KCNIP4: variants seen among roughly 807,000 people sequenced by gnomAD.
The protein encoded by KCNIP4 is Kv channel-interacting protein 4.
In KCNIP4, 12 loss-of-function variants were observed where a neutral mutation model predicts 34.0. That is an observed-to-expected ratio of 0.35 (90% CI 0.23 to 0.57). KCNIP4 has a LOEUF of 0.57. Among genes scored for constraint, KCNIP4 ranks in the 20% least tolerant of loss-of-function variants. KCNIP4 has a pLI of 0.83. For missense variants in KCNIP4, 238 were observed against 311.7 expected (o/e 0.76, Z 1.78); for synonymous variants, 124 against 102.2 (o/e 1.21, Z -1.29).
chr4:21,087,334 A>G (rs555556222), intron 1 of KCNIP4, among the ~76,000 whole-genome samples: 1 of 152,048 alleles, frequency 6.6e-6, no homozygotes, highest in East Asian at 1.9e-4. Flanking sequence ...GTGCCACCAC[A>G]CCTGGCTAAT....
chr4:21,479,455 G>A (rs16871128), intron 1 of KCNIP4, among the ~76,000 whole-genome samples: 6,984 of 152,104 alleles, frequency 0.046, 206 homozygotes, highest in African/African-American at 0.077. Flanking sequence ...GAGTGTACAC[G>A]GCATGATTAA....
intron 1 of KCNIP4, among the ~76,000 whole-genome samples, chr4:20,925,442 C>T (rs1000193318): frequency 1.2e-4 from 19 of 152,110 alleles, no homozygotes; most frequent in African/African-American, 4.1e-4. Flanking sequence ...ATGAGAATGA[C>T]CAAATGCCAT....
intron 1 of KCNIP4, among the ~76,000 whole-genome samples, chr4:21,533,019 T>C (rs1226594652): frequency 1.3e-5 from 2 of 151,658 alleles, no homozygotes; most frequent in East Asian, 1.9e-4. Context: ...TATATACATA[T>C]GTATATATAT....
At chr4:20,759,457 G>A (rs146871982) in intron 3 of KCNIP4, among the ~76,000 whole-genome samples, 205 of 152,132 alleles carry the variant, frequency 1.3e-3, no homozygotes, top group African/African-American at 4.5e-3. Flanking sequence ...TTGAACTTCC[G>A]GAAAGGAGAG....
At chr4:20,817,415 C>G (rs1181209043) in intron 3 of KCNIP4, among the ~76,000 whole-genome samples, 1 of 152,184 alleles carries the variant, frequency 6.6e-6, no homozygotes, top group South Asian at 2.1e-4. Context: ...CCCAGCTCCA[C>G]GCTGCTCCCA....
chr4:20,757,626 T>A (rs1754590480), intron 4 of KCNIP4, among the ~76,000 whole-genome samples: 1 of 152,174 alleles, frequency 6.6e-6, no homozygotes, highest in Non-Finnish European at 1.5e-5. Flanking sequence ...TTGCCTAAAA[T>A]GTCATGTCCC....
chr4:20,992,594 C>A (rs1223643846), intron 1 of KCNIP4, among the ~76,000 whole-genome samples: 4 of 152,142 alleles, frequency 2.6e-5, no homozygotes, highest in African/African-American at 4.8e-5. Flanking sequence ...GCCTCTCCCC[C>A]ACCCCACATA....
At chr4:20,821,449 T>A (rs1399790817) in intron 3 of KCNIP4, among the ~76,000 whole-genome samples, 1 of 152,088 alleles carries the variant, frequency 6.6e-6, no homozygotes, top group Non-Finnish European at 1.5e-5. Flanking sequence ...CATATCCGAG[T>A]TAGATCATAT....
intron 1 of KCNIP4, among the ~76,000 whole-genome samples, chr4:21,228,691 C>T (rs1224831760): frequency 1.3e-5 from 2 of 152,214 alleles, no homozygotes; most frequent in Non-Finnish European, 2.9e-5. Context: ...CAACTACCTC[C>T]ATCTTCCAGT....
intron 1 of KCNIP4, among the ~76,000 whole-genome samples, chr4:21,195,714 G>A (rs1756004967): frequency 6.6e-6 from 1 of 152,116 alleles, no homozygotes; most frequent in Admixed American, 6.6e-5. Flanking sequence ...TGCCTTGAGG[G>A]TGATAGTTAT....
intron 1 of KCNIP4, among the ~76,000 whole-genome samples, chr4:20,977,276 C>A (rs1735583724): frequency 6.6e-6 from 1 of 152,194 alleles, no homozygotes; most frequent in South Asian, 2.1e-4. Flanking sequence ...CACAGCATGA[C>A]TCTGGCTTCT....
intron 3 of KCNIP4, among the ~76,000 whole-genome samples, chr4:20,827,721 A>G (rs1717924341): frequency 6.6e-6 from 1 of 152,026 alleles, no homozygotes; most frequent in African/African-American, 2.4e-5. Flanking sequence ...AAGTCTCTTT[A>G]AGCACATAGA....
At chr4:21,763,439 C>T (rs1205310603) in intron 1 of KCNIP4, among the ~76,000 whole-genome samples, 1 of 152,096 alleles carries the variant, frequency 6.6e-6, no homozygotes, top group Admixed American at 6.6e-5. Context: ...ATAAAAAGAA[C>T]TGGATAGAAT....
intron 1 of KCNIP4, among the ~76,000 whole-genome samples, chr4:21,889,437 T>A (rs1442925354): frequency 2.0e-5 from 3 of 152,088 alleles, no homozygotes; most frequent in Non-Finnish European, 4.4e-5. Flanking sequence ...ATAAGGGATA[T>A]TAAACCTGTA....
chr4:21,765,419 CG>C (rs1165342218), intron 1 of KCNIP4, among the ~76,000 whole-genome samples: 1 of 151,850 alleles, frequency 6.6e-6, no homozygotes, highest in Non-Finnish European at 1.5e-5. Context: ...TAACTGTGTG[CG>C]CATGTGTCCA....
At chr4:21,868,973 G>T (rs538159335) in intron 1 of KCNIP4, among the ~76,000 whole-genome samples, 1 of 152,192 alleles carries the variant, frequency 6.6e-6, no homozygotes, top group African/African-American at 2.4e-5. Context: ...ACCAGTAGAA[G>T]TTCCAAAATA....
chr4:21,097,371 T>C (rs1747553976), intron 1 of KCNIP4, among the ~76,000 whole-genome samples: 1 of 152,196 alleles, frequency 6.6e-6, no homozygotes, highest in Admixed American at 6.6e-5. Context: ...ATATCATTTT[T>C]TATTTTGTTT....
At chr4:21,824,008 A>G (rs977413249) in intron 1 of KCNIP4, among the ~76,000 whole-genome samples, 1 of 152,182 alleles carries the variant, frequency 6.6e-6, no homozygotes, top group African/African-American at 2.4e-5. Context: ...AGAGTGGATA[A>G]GAGCTCGTGC....
chr4:21,658,591 C>T (rs563782565), intron 1 of KCNIP4, among the ~76,000 whole-genome samples: 120 of 152,142 alleles, frequency 7.9e-4, no homozygotes, highest in Non-Finnish European at 9.0e-4. Context: ...TTAGTAGAGA[C>T]GGGGTTTCAC....
Sources: allele counts gnomAD v4.1 joint callset (sites outside exome capture counted in the v4.1 genomes callset), GRCh38; gene constraint gnomAD v4.1.1; transcripts MANE v1.5; gene names NCBI Gene and HGNC (gene_info 2026-07-23, HGNC 2026-07-21).